The following LARGE1 variants were observed in gnomAD, a reference collection of about 807,000 sequenced individuals.
The protein encoded by LARGE1 is LARGE xylosyl- and glucuronyltransferase 1, also known as xylosyl- and glucuronyltransferase LARGE1.
A neutral mutation model predicts 87.6 loss-of-function variants in LARGE1; 43 were observed. That is an observed-to-expected ratio of 0.49 (90% CI 0.38 to 0.63). The LOEUF is 0.63. Ranked by LOEUF, LARGE1 falls within the 30% of genes least tolerant of loss-of-function variation. LARGE1 has a pLI of 0.00. For missense variants in LARGE1, 802 were observed against 1,000.2 expected (o/e 0.80, Z 2.67); for synonymous variants, 434 against 394.6 (o/e 1.10, Z -1.18).
chr22:33,637,168 C>T (rs1188342067), intron 3 of LARGE1, among the ~76,000 whole-genome samples: 3 of 152,152 alleles, frequency 2.0e-5, no homozygotes, highest in South Asian at 4.1e-4. Context: ...CCCCAGATAA[C>T]AGGGTAAAAG....
chr22:33,343,475 A>G (rs1005609228), intron 9 of LARGE1, among the ~76,000 whole-genome samples: 2 of 152,190 alleles, frequency 1.3e-5, no homozygotes, highest in Admixed American at 1.3e-4. Flanking sequence ...GATATTAAAT[A>G]CATAATACCT....
intron 1 of LARGE1, among the ~76,000 whole-genome samples, chr22:33,912,908 G>A (rs930958357): frequency 1.7e-4 from 26 of 150,538 alleles, no homozygotes; most frequent in Non-Finnish European, 3.2e-4. Flanking sequence ...TCGGCTCACT[G>A]TAACCTCCGT....
intron 1 of LARGE1, among the ~76,000 whole-genome samples, chr22:33,770,504 A>T (rs1055478683): frequency 5.9e-5 from 9 of 152,086 alleles, no homozygotes; most frequent in Non-Finnish European, 1.3e-4. Flanking sequence ...CAACATAGAG[A>T]GACCTACCAA....
In LARGE1 at chr22:33,310,379, T is replaced by C. The variant is rs76101692; in HGVS notation, c.1451+5706A>G. 8.4e-3 allele frequency among the ~76,000 whole-genome samples: 1,274 copies of C among 152,278 alleles called. 16 individuals carry two copies. Among genetic ancestry groups the C allele is most frequent in the African/African-American group, 0.029 (1,200 of 41,552 alleles). On this transcript the variant is annotated intron_variant, in intron 11 of 14. Coordinates refer to ENST00000397394, the MANE Select transcript of LARGE1 (RefSeq NM_133642.5). Reference sequence around the variant, plus strand: ...CTCTCCCTGGTGTGGTGTCAGAAGATAGGTGAACCCCTCGTGATCAGCTCC... The same window carrying C: ...CTCTCCCTGGTGTGGTGTCAGAAGACAGGTGAACCCCTCGTGATCAGCTCC...
At chr22:33,862,594 A>G (rs2063964014) in intron 1 of LARGE1, among the ~76,000 whole-genome samples, 2 of 152,176 alleles carry the variant, frequency 1.3e-5, no homozygotes, top group Non-Finnish European at 2.9e-5. Context: ...GGAACGCAGG[A>G]AGCTGAGGGC....
chr22:33,086,732 T>C, the LARGE1 span, among the ~76,000 whole-genome samples: 1 of 151,918 alleles, frequency 6.6e-6, no homozygotes, highest in Non-Finnish European at 1.5e-5. Context: ...TTTGCATTTT[T>C]AGTAGAGACA....
At chr22:33,170,000 A>C (rs1452385580) in intron 11 of LARGE1, among the ~76,000 whole-genome samples, 1 of 152,152 alleles carries the variant, frequency 6.6e-6, no homozygotes, top group African/African-American at 2.4e-5. Flanking sequence ...CCTTAAATGT[A>C]TGTGTTGAAA....
At chr22:33,383,915 T>C (rs769551079) in intron 8 of LARGE1, among the ~76,000 whole-genome samples, 6 of 152,238 alleles carry the variant, frequency 3.9e-5, no homozygotes, top group Admixed American at 1.3e-4. Context: ...AAGTGCTGCA[T>C]CCTTCGTCTA....
At chr22:33,450,147 A>C (rs1193107315) in intron 6 of LARGE1, among the ~76,000 whole-genome samples, 1 of 152,054 alleles carries the variant, frequency 6.6e-6, no homozygotes, top group South Asian at 2.1e-4. Context: ...CCTGATCTCA[A>C]GTGATCCATC....
chr22:33,738,337 G>A (rs991852953), intron 2 of LARGE1, among the ~76,000 whole-genome samples: 1 of 152,160 alleles, frequency 6.6e-6, no homozygotes, highest in Non-Finnish European at 1.5e-5. Context: ...CTGCTTGCTG[G>A]GCGAAGGGGC....
At position 33,432,197 on chromosome 22, in the gene LARGE1, G is replaced by T; in HGVS notation, c.856C>A (p.Arg286Ser). The change falls in exon 7 of 15, where the codon CGC becomes AGC. Residue 286 changes from arginine to serine, a missense_variant. Arg to Ser is a moderately radical substitution (Grantham distance 110). This residue lies in a region of LARGE1 where 625 missense variants were observed against 841.9 expected (regional missense o/e 0.74). Coordinates refer to ENST00000397394, the MANE Select transcript of LARGE1 (RefSeq NM_133642.5). ...WYLGNLWKNH[R>S]PWPALGRGYN... ...CCTCTTCCAAGGGCTGGCCATGGGC[G>T]GTGATTTTTCCACAGGTTTCCAAGG... The T allele has an allele frequency of 6.2e-7, 1 of 1,614,136 alleles. No homozygotes were observed. The highest frequency in any genetic ancestry group is 1.1e-5 in the South Asian group (1 of 91,078).
At chr22:33,444,195 T>C (rs2067599696) in intron 6 of LARGE1, among the ~76,000 whole-genome samples, 1 of 152,234 alleles carries the variant, frequency 6.6e-6, no homozygotes, top group African/African-American at 2.4e-5. Flanking sequence ...AATGACTCAA[T>C]TTCCAAACTT....
At chr22:33,576,627 G>T (rs5999020) in intron 5 of LARGE1, among the ~76,000 whole-genome samples, 3 of 152,030 alleles carry the variant, frequency 2.0e-5, no homozygotes, top group Non-Finnish European at 4.4e-5. Context: ...AGATATCACC[G>T]CGAAAGCACA....
intron 2 of LARGE1, among the ~76,000 whole-genome samples, chr22:33,656,017 AGT>A (rs1216128340): frequency 2.0e-5 from 3 of 151,982 alleles, no homozygotes; most frequent in Non-Finnish European, 4.4e-5. Flanking sequence ...TCTGTGACTC[AGT>A]GTCTTATGTA....
chr22:33,304,352 T>C lies in LARGE1; in HGVS notation c.1607A>G (p.Lys536Arg), dbSNP rs774501014. The part of the protein sequence containing the change: ...RHNVGYHIVY[K>R]EGQFYPVNLL... ...GTTCACGGGGTAGAACTGGCCCTCCTTGTACACGATGTGGTAGCCCACGTT... is the reference window on the plus strand; with the variant it reads ...GTTCACGGGGTAGAACTGGCCCTCCCTGTACACGATGTGGTAGCCCACGTT... Residue 536 changes from lysine to arginine, a missense_variant, in exon 12 of 15, where the codon AAG (lysine) becomes AGG (arginine). Lys to Arg is a conservative substitution (Grantham distance 26). This residue lies in a region of LARGE1 where 625 missense variants were observed against 841.9 expected (regional missense o/e 0.74). Coordinates refer to ENST00000397394, the MANE Select transcript of LARGE1 (RefSeq NM_133642.5). 6.2e-7 allele frequency: 1 copy of C among 1,614,264 alleles called. No homozygotes were observed. The highest frequency in any genetic ancestry group is 1.1e-5 in the South Asian group (1 of 91,086).
chr22:33,089,321 T>TTTCTTCTTTC, the LARGE1 span, among the ~76,000 whole-genome samples: 3 of 87,046 alleles, frequency 3.4e-5, no homozygotes, highest in Non-Finnish European at 6.6e-5. Context: ...TTCTTTCTTC[T>TTTCTTCTTTC]TTCTTCTTCT....
At chr22:33,520,693 T>C (rs1208339588) in intron 6 of LARGE1, among the ~76,000 whole-genome samples, 1 of 152,228 alleles carries the variant, frequency 6.6e-6, no homozygotes. Flanking sequence ...GTCCTGGTTT[T>C]AGTAATGCTC....
intron 6 of LARGE1, among the ~76,000 whole-genome samples, chr22:33,524,384 C>T (rs547717873): frequency 6.6e-6 from 1 of 152,136 alleles, no homozygotes; most frequent in Admixed American, 6.5e-5. Flanking sequence ...ATATTATCAC[C>T]TTTCTAATCT....
At chr22:33,726,505 C>A (rs1022964504) in intron 2 of LARGE1, among the ~76,000 whole-genome samples, 1 of 152,160 alleles carries the variant, frequency 6.6e-6, no homozygotes, top group Non-Finnish European at 1.5e-5. Flanking sequence ...CAATATTCAC[C>A]GTACAAATCC....
Sources: gnomAD v4.1 joint callset for allele counts (sites outside exome capture counted in the v4.1 genomes callset) on GRCh38, gnomAD v4.1.1 for gene constraint, gnomAD v4.1.1 regional missense constraint, MANE v1.5 for transcripts, NCBI Gene and HGNC (gene_info 2026-07-23, HGNC 2026-07-21) for gene names.